Variants in STXBP5L observed in about 807,000 individuals in gnomAD.
STXBP5L encodes syntaxin-binding protein 5-like.
Under a neutral mutation model 144.5 loss-of-function variants are expected in STXBP5L, and 65 were observed. The observed-to-expected ratio is 0.45, with a 90% CI of 0.37 to 0.55. The LOEUF (loss-of-function observed/expected upper bound fraction) is 0.55, where lower values mean the gene tolerates loss of function less well. STXBP5L is among the 20% of genes least tolerant of loss of function. The pLI is 0.00. For synonymous variants in STXBP5L, 505 were observed against 469.6 expected, an observed-to-expected ratio of 1.08 and a Z score of -0.97; for missense variants, 1,298 against 1,405.5, an observed-to-expected ratio of 0.92 and a Z score of 1.22.
intron 10 of STXBP5L, among the ~76,000 whole-genome samples, 171 bp downstream of exon 10, chr3:121,206,172 A>T (rs917621586): frequency 6.6e-6 from 1 of 152,178 alleles, no homozygotes; most frequent in Admixed American, 6.5e-5. Context: ...GATTATTATT[A>T]TGATTATTAT....
At chr3:121,052,647 T>A (rs1171880941) in intron 5 of STXBP5L, among the ~76,000 whole-genome samples, 2 of 152,164 alleles carry the variant, frequency 1.3e-5, no homozygotes, top group Non-Finnish European at 2.9e-5. Context: ...TCATATTGAA[T>A]GGGCAAAAAC....
intron 3 of STXBP5L, among the ~76,000 whole-genome samples, chr3:121,002,797 C>G (rs370437500): frequency 7.0e-6 from 1 of 143,470 alleles, no homozygotes; most frequent in South Asian, 2.3e-4. Flanking sequence ...TGAGTGAGAA[C>G]ATGCGGTGTT....
chr3:120,917,950 G>T (rs964248595), intron 2 of STXBP5L, among the ~76,000 whole-genome samples: 3 of 152,200 alleles, frequency 2.0e-5, no homozygotes, highest in African/African-American at 7.2e-5. Flanking sequence ...CTGGAGGTCA[G>T]AAGTATGACA....
Position 121,016,506 on chromosome 3 carries a change from A to G in STXBP5L, c.288-25194A>G, listed in dbSNP as rs1381607882. On this transcript the variant is annotated intron_variant, in intron 3 of 26. Transcript: ENST00000471454. ...ATCTATAGATTAGACTCAGACATAGAATGAGTCATTGAGTTTGAAGATAGA... is the reference window on the plus strand; with the variant it reads ...ATCTATAGATTAGACTCAGACATAGGATGAGTCATTGAGTTTGAAGATAGA... 2.6e-5 allele frequency among the ~76,000 whole-genome samples: 4 copies of G among 152,204 alleles called. No homozygotes were observed. In the East Asian group the frequency reaches 5.8e-4, roughly 22 times the overall value.
intron 7 of STXBP5L, among the ~76,000 whole-genome samples, chr3:121,141,224 A>G (rs1302489013): frequency 6.6e-6 from 1 of 151,960 alleles, no homozygotes; most frequent in South Asian, 2.1e-4. Context: ...ACCAACACGG[A>G]GAAACCCTGT....
chr3:121,178,878 G>A (rs189868724), intron 9 of STXBP5L, among the ~76,000 whole-genome samples: 1 of 152,248 alleles, frequency 6.6e-6, no homozygotes, highest in East Asian at 1.9e-4. Context: ...AGCAGAATTA[G>A]GGAAGAGTCA....
intron 9 of STXBP5L, among the ~76,000 whole-genome samples, chr3:121,195,213 C>T (rs1053985699): frequency 1.8e-4 from 28 of 152,004 alleles, no homozygotes; most frequent in Non-Finnish European, 2.8e-4. Flanking sequence ...TGTGAGCCAC[C>T]GTGCCCGGCC....
intron 20 of STXBP5L, among the ~76,000 whole-genome samples, chr3:121,319,694 G>A (rs374251750): frequency 1.4e-3 from 216 of 152,160 alleles, no homozygotes; most frequent in African/African-American, 4.0e-3. Context: ...TACAATTAAT[G>A]TTGCATGTCA....
At chr3:121,352,821 T>C (rs2045347139) in intron 20 of STXBP5L, among the ~76,000 whole-genome samples, 1 of 152,160 alleles carries the variant, frequency 6.6e-6, no homozygotes, top group South Asian at 2.1e-4. Context: ...TGTGGGTTTG[T>C]CATAAGTAGC....
chr3:121,410,139 C>A (rs2047081875), intron 23 of STXBP5L, among the ~76,000 whole-genome samples: 1 of 151,628 alleles, frequency 6.6e-6, no homozygotes, highest in African/African-American at 2.4e-5. Context: ...TCATTTCAAT[C>A]TTGTTTGAAA....
chr3:121,346,091 C>T (rs1292542581), intron 20 of STXBP5L, among the ~76,000 whole-genome samples: 2 of 151,476 alleles, frequency 1.3e-5, no homozygotes, highest in East Asian at 3.9e-4. Context: ...TCTCCTAATG[C>T]TATCCCTCTC....
At chr3:121,215,061 A>T (rs1224816428) in intron 10 of STXBP5L, among the ~76,000 whole-genome samples, 1 of 151,654 alleles carries the variant, frequency 6.6e-6, no homozygotes, top group African/African-American at 2.4e-5. Context: ...CTTGGTAAAC[A>T]GTTCTCCATC....
At chr3:120,969,988 T>C (rs1940052532) in intron 3 of STXBP5L, among the ~76,000 whole-genome samples, 1 of 152,040 alleles carries the variant, frequency 6.6e-6, no homozygotes, top group South Asian at 2.1e-4. Context: ...CTATGAGGCT[T>C]CCAAAAAATC....
chr3:121,144,050 A>G (rs1326481175), intron 7 of STXBP5L, among the ~76,000 whole-genome samples: 2 of 151,718 alleles, frequency 1.3e-5, no homozygotes, highest in African/African-American at 4.8e-5. Flanking sequence ...TGAAAACACA[A>G]TGTAGAGAAT....
At chr3:120,975,131 G>A (rs940835492) in intron 3 of STXBP5L, among the ~76,000 whole-genome samples, 2 of 152,126 alleles carry the variant, frequency 1.3e-5, no homozygotes, top group African/African-American at 4.8e-5. Context: ...AATTACCTTG[G>A]GCAGTGTGGC....
chr3:121,314,604 AGGG>A (rs2043711467), intron 19 of STXBP5L, among the ~76,000 whole-genome samples: 2 of 144,102 alleles, frequency 1.4e-5, no homozygotes, highest in East Asian at 2.1e-4. Context: ...GGAGAGGGAG[AGGG>A]AGAGGGAGAG....
At chr3:121,067,581 A>C (rs918555005) in intron 5 of STXBP5L, among the ~76,000 whole-genome samples, 7 of 152,132 alleles carry the variant, frequency 4.6e-5, no homozygotes, top group South Asian at 2.1e-4. Context: ...TAATTTTACT[A>C]TTCTGTTACT....
chr3:121,344,029 T>C (rs1197621348), intron 20 of STXBP5L, among the ~76,000 whole-genome samples: 1 of 152,054 alleles, frequency 6.6e-6, no homozygotes, highest in East Asian at 1.9e-4. Flanking sequence ...CAAAACAGCA[T>C]GGTACTGGTA....
intron 22 of STXBP5L, among the ~76,000 whole-genome samples, chr3:121,392,697 CT>C (rs1456573915): frequency 1.3e-5 from 2 of 150,336 alleles, no homozygotes; most frequent in African/African-American, 4.9e-5. Flanking sequence ...TTGTCATTCA[CT>C]TAATAAGCCC....
Sources: allele counts gnomAD v4.1 joint callset (sites outside exome capture counted in the v4.1 genomes callset), GRCh38; gene constraint gnomAD v4.1.1; transcripts MANE v1.5; gene names NCBI Gene and HGNC (gene_info 2026-07-23, HGNC 2026-07-21).